Variants in ACVR2B observed in about 807,000 individuals in gnomAD.
ACVR2B encodes activin receptor type-2B.
A neutral mutation model predicts 65.1 loss-of-function variants in ACVR2B; 18 were observed. That is an observed-to-expected ratio of 0.28 (90% CI 0.19 to 0.41). The LOEUF is 0.41. Ranked by LOEUF, ACVR2B falls within the 10% of genes least tolerant of loss-of-function variation. The pLI, the probability that ACVR2B is intolerant of heterozygous loss-of-function variation, is 1.00. For synonymous variants in ACVR2B, 298 were observed against 277.7 expected (o/e 1.07, Z -0.73); for missense variants, 482 against 682.7 (o/e 0.71, Z 3.28).
Position 38,492,786 on chromosome 3 carries a change from ACACACACACACACACACATACACCT to A in ACVR2B, c.*9455_*9479del, listed in dbSNP as rs2059821898. On this transcript the variant is annotated 3_prime_UTR_variant, in exon 11 of 11. Transcript: ENST00000352511. ...CACACACACACACACACACACACAC[ACACACACACACACACACATACACCT>A]AAAATGGCCTAAAGCAGACATCCAT... 1 of 96,490 alleles carries A rather than the reference ACACACACACACACACACATACACCT, an allele frequency of 1.0e-5. No individual in the cohort carries two copies. Among genetic ancestry groups the A allele is most frequent in the Non-Finnish European group, 2.1e-5 (1 of 47,168 alleles). 6.0% of individuals were successfully genotyped at this position (96,490 alleles called of 1,614,324 possible). A position where few individuals can be genotyped will look rare whatever the true frequency, so the allele number is the denominator to read the frequency against.
intron 1 of ACVR2B, among the ~76,000 whole-genome samples, chr3:38,457,680 A>G (rs1709572835): frequency 6.6e-6 from 1 of 152,216 alleles, no homozygotes; most frequent in African/African-American, 2.4e-5. Flanking sequence ...TGGGGTAAAC[A>G]GTATTCTAAG....
rs1709924186 is a variant in ACVR2B at position 38,477,094 on chromosome 3, C to G, written c.53-193C>G. 1 of 628,280 alleles carries G rather than the reference C, an allele frequency of 1.6e-6. No individual in the cohort carries two copies. Among genetic ancestry groups the G allele is most frequent in the Non-Finnish European group, 2.8e-6 (1 of 357,736 alleles). 38.9% of individuals were successfully genotyped at this position (628,280 alleles called of 1,614,324 possible). ...AGAATGAGGTGGGGGCTGGTGCCAG[C>G]TGGCACACGTAAATTAAGAGGTGTG... On this transcript the variant is annotated intron_variant, in intron 1 of 10. Coordinates refer to ENST00000352511, the MANE Select transcript of ACVR2B (RefSeq NM_001106.4). The surrounding 1 kb of genome is among the most constrained non-coding windows in gnomAD (Gnocchi z 6.7).
At position 38,478,107 on chromosome 3, in the gene ACVR2B, G is replaced by T. The variant is rs377427268; in HGVS notation, c.371-34G>T. On this transcript the variant is annotated intron_variant, in intron 3 of 10. Transcript: ENST00000352511. ...GGCTCTGGAAGTGTGAGGGTGGGCA[G>T]ACTGTTTGACACAGGGCTCTGTGTG... is the stretch of plus-strand genomic sequence containing the variant. The T allele has an allele frequency of 2.5e-6, 4 of 1,610,936 alleles. No individual in the cohort carries two copies. In the African/African-American group the frequency reaches 5.3e-5, roughly 22 times the overall value.
chr3:38,472,263 C>T (rs868425852), intron 1 of ACVR2B, among the ~76,000 whole-genome samples: 2 of 152,110 alleles, frequency 1.3e-5, no homozygotes, highest in South Asian at 2.1e-4. Flanking sequence ...GGATAAGTCA[C>T]TGCTCTTGGC....
chr3:38,488,486 C>G lies in ACVR2B; in HGVS notation c.*5154C>G, dbSNP rs540842790. ...ACAATTGGTGGCTCCAAAAGGCCTG[C>G]CAACAAAGAAAAGTCCAAATTATCT... On this transcript the variant is annotated 3_prime_UTR_variant, in exon 11 of 11. Coordinates refer to ENST00000352511, the MANE Select transcript of ACVR2B (RefSeq NM_001106.4). The G allele has an allele frequency of 6.6e-6, 1 of 152,008 alleles. No individual in the cohort carries two copies. The highest frequency in any genetic ancestry group is 2.4e-5 in the African/African-American group (1 of 41,436). The allele number at this position is 152,008 out of a possible 1,614,324, so 9.4% of individuals were successfully genotyped here. A position where few individuals can be genotyped will look rare whatever the true frequency, so the allele number is the denominator to read the frequency against.
chr3:38,460,969 C>G (rs573602004), intron 1 of ACVR2B, among the ~76,000 whole-genome samples: 1 of 152,180 alleles, frequency 6.6e-6, no homozygotes, highest in Non-Finnish European at 1.5e-5. Flanking sequence ...CTGAGCATTT[C>G]GGAGGATGGG....
At chr3:38,456,873 G>C (rs115630447) in intron 1 of ACVR2B, among the ~76,000 whole-genome samples, 3,843 of 152,206 alleles carry the variant, frequency 0.025, 172 homozygotes, top group African/African-American at 0.086. Context: ...TGAATTTTGG[G>C]GGGACACATT....
At chr3:38,459,018 G>C (rs1033604083) in intron 1 of ACVR2B, among the ~76,000 whole-genome samples, 1 of 152,136 alleles carries the variant, frequency 6.6e-6, no homozygotes, top group Non-Finnish European at 1.5e-5. Flanking sequence ...TCCAGATCTT[G>C]CTAAATGTCC....
intron 1 of ACVR2B, among the ~76,000 whole-genome samples, chr3:38,463,131 C>T (rs536511603): frequency 1.2e-4 from 19 of 152,216 alleles, no homozygotes; most frequent in Non-Finnish European, 2.2e-4. Context: ...GCCTGAGTCT[C>T]CTGGGTACTG....
intron 1 of ACVR2B, among the ~76,000 whole-genome samples, chr3:38,471,085 G>A (rs1183277034): frequency 2.0e-5 from 3 of 152,068 alleles, no homozygotes; most frequent in East Asian, 1.9e-4. Context: ...ACTAACACAC[G>A]AAATGTCATA....
chr3:38,478,170 A>G lies in ACVR2B; in HGVS notation c.400A>G (p.Thr134Ala), dbSNP rs1019587219. Reference sequence around the variant, plus strand: ...GTACGAGCCACCCCCGACAGCCCCCACCCTGCTCACGGTGCTGGCCTACTC... The same window carrying G: ...GTACGAGCCACCCCCGACAGCCCCCGCCCTGCTCACGGTGCTGGCCTACTC... The part of the protein sequence containing the change: ...VTYEPPPTAP[T>A]LLTVLAYSLL... The change falls in exon 4 of 11, where the codon ACC becomes GCC. Residue 134 changes from threonine to alanine, a missense_variant. Thr to Ala is a moderately conservative substitution (Grantham distance 58, BLOSUM62 0). This residue lies in a region of ACVR2B where 95 missense variants were observed against 91.6 expected (regional missense o/e 1.04). Transcript: ENST00000352511. 2 of 1,612,292 alleles carry G rather than the reference A, an allele frequency of 1.2e-6. No individual in the cohort carries two copies. The highest frequency in any genetic ancestry group is 8.5e-7 in the Non-Finnish European group (1 of 1,179,788).
Position 38,489,810 on chromosome 3 carries a change from A to G in ACVR2B, c.*6478A>G, listed in dbSNP as rs956020549. 1.3e-5 allele frequency: 2 copies of G among 152,290 alleles called. No homozygotes were observed. Among genetic ancestry groups the G allele is most frequent in the Non-Finnish European group, 2.9e-5 (2 of 68,048 alleles). 9.4% of individuals were successfully genotyped at this position (152,290 alleles called of 1,614,324 possible). On this transcript the variant is annotated 3_prime_UTR_variant, in exon 11 of 11. Coordinates refer to ENST00000352511, the MANE Select transcript of ACVR2B (RefSeq NM_001106.4). ...TTTGAGTAATCCACCAGACTGAATT[A>G]TCTAAGATCACATTATCCAGGTTGG...
At chr3:38,454,700 G>C in intron 1 of ACVR2B, 1 of 247,980 alleles carries the variant, frequency 4.0e-6, no homozygotes. Flanking sequence ...GAAAACCTGA[G>C]CGTGGGGAAG....
At chr3:38,466,752 C>T (rs1709737132) in intron 1 of ACVR2B, among the ~76,000 whole-genome samples, 1 of 152,160 alleles carries the variant, frequency 6.6e-6, no homozygotes, top group African/African-American at 2.4e-5. Context: ...ATCCACCTCC[C>T]TCAGCCTCCC....
At chr3:38,480,122 C>G (rs989628627) in intron 7 of ACVR2B, among the ~76,000 whole-genome samples, 16 of 152,140 alleles carry the variant, frequency 1.1e-4, no homozygotes, top group African/African-American at 3.9e-4. Flanking sequence ...TCCCTTTATA[C>G]TCTTAAAATG....
chr3:38,463,574 A>C (rs972613048), intron 1 of ACVR2B, among the ~76,000 whole-genome samples: 7 of 152,192 alleles, frequency 4.6e-5, no homozygotes, highest in African/African-American at 1.7e-4. Flanking sequence ...GTTGCTTCCC[A>C]GTCTTGTTCT....
rs373716857 is a variant in ACVR2B at position 38,478,099 on chromosome 3, G to C, written c.371-42G>C. On this transcript the variant is annotated intron_variant, in intron 3 of 10. Coordinates refer to ENST00000352511, the MANE Select transcript of ACVR2B (RefSeq NM_001106.4). ...TGTAGTCTGGCTCTGGAAGTGTGAG[G>C]GTGGGCAGACTGTTTGACACAGGGC... 1.7e-5 allele frequency: 28 copies of C among 1,610,530 alleles called. No individual in the cohort carries two copies. In the African/African-American group the frequency reaches 2.4e-4, roughly 14 times the overall value.
rs779631588 is a variant in ACVR2B, at chr3:38,478,390, C to T, written c.538C>T (p.Pro180Ser). Residue 180 changes from proline (P) to serine (S), a missense_variant, in exon 5 of 11, where the codon CCA becomes TCA. By Grantham distance (74) the Pro-to-Ser change is moderately conservative. Around this residue, in one of 5 missense-constraint regions of ACVR2B, gnomAD observed 95 missense variants for 91.6 expected, o/e 1.04. Transcript: ENST00000352511. ...TCTCCCCCAGGACCCTGGGCCTCCA[C>T]CACCATCCCCTCTGGTGGGCCTGAA... ...VDIHEDPGPP[P>S]PSPLVGLKPL... 6.2e-7 allele frequency: 1 copy of T among 1,614,140 alleles called. No individual in the cohort carries two copies. Among genetic ancestry groups the T allele is most frequent in the Non-Finnish European group, 8.5e-7 (1 of 1,180,006 alleles).
chr3:38,478,164 G>A lies in ACVR2B; in HGVS notation c.394G>A (p.Ala132Thr), dbSNP rs1318701679. The A allele has an allele frequency of 6.2e-7, 1 of 1,612,678 alleles. No individual in the cohort carries two copies. Residue 132 changes from alanine (A) to threonine (T), a missense_variant, in exon 4 of 11, where the codon GCC becomes ACC. Ala to Thr is a moderately conservative substitution (Grantham distance 58, BLOSUM62 0). This residue lies in a region of ACVR2B where 95 missense variants were observed against 91.6 expected (regional missense o/e 1.04). Transcript: ENST00000352511. The stretch of plus-strand genomic sequence containing the variant: ...AGTCACGTACGAGCCACCCCCGACA[G>A]CCCCCACCCTGCTCACGGTGCTGGC... ...PEVTYEPPPT[A>T]PTLLTVLAYS...
Sources: allele counts gnomAD v4.1 joint callset (sites outside exome capture counted in the v4.1 genomes callset), GRCh38; gene constraint gnomAD v4.1.1; regional missense constraint gnomAD v4.1.1; non-coding constraint Gnocchi (gnomAD v3.1); transcripts MANE v1.5; gene names NCBI Gene and HGNC (gene_info 2026-07-23, HGNC 2026-07-21).